Variants in PKHD1L1 observed in about 807,000 individuals in gnomAD.
The protein encoded by PKHD1L1 is fibrocystin-L.
In PKHD1L1, 434 loss-of-function variants were observed where a neutral mutation model predicts 462.9. The observed-to-expected ratio is 0.94, with a 90% CI of 0.87 to 1.02. The LOEUF (loss-of-function observed/expected upper bound fraction) is 1.02. Ranked by LOEUF, PKHD1L1 falls within the 50% of genes least tolerant of loss-of-function variation. The probability of loss-of-function intolerance (pLI) is 0.00; values close to 1 mark genes in which losing one functional copy is unlikely to be tolerated. For synonymous variants in PKHD1L1, 1,781 were observed against 1,750.0 expected, an observed-to-expected ratio of 1.02 and a Z score of -0.44; for missense variants, 5,202 against 5,096.1, an observed-to-expected ratio of 1.02 and a Z score of -0.63.
At chr8:109,397,342 T>G (rs13268429) in intron 11 of PKHD1L1, among the ~76,000 whole-genome samples, 46,002 of 151,792 alleles carry the variant, frequency 0.3, 7,564 homozygotes, top group Admixed American at 0.44. Context: ...CCTATTTCCT[T>G]TTTTCTGGTT....
In PKHD1L1 at chr8:109,491,118, T is replaced by C. The variant is rs1292138274; in HGVS notation, c.10114+17T>C. 2.5e-6 allele frequency: 4 copies of C among 1,598,962 alleles called. No individual in the cohort carries two copies. The African/African-American group carries it at 5.4e-5, about 21-fold the overall frequency. ...TGGGGGAAGGTAATATAATAATATTTTGGTTCAAATTACACATCCTGTGGA... is the reference window on the plus strand; with the variant it reads ...TGGGGGAAGGTAATATAATAATATTCTGGTTCAAATTACACATCCTGTGGA... On this transcript the variant is annotated intron_variant, in intron 61 of 77. Coordinates refer to ENST00000378402, the MANE Select transcript of PKHD1L1 (RefSeq NM_177531.6).
intron 10 of PKHD1L1, among the ~76,000 whole-genome samples, chr8:109,395,504 A>G (rs1019144275): frequency 1.3e-4 from 20 of 152,224 alleles, no homozygotes; most frequent in African/African-American, 4.6e-4. Flanking sequence ...AAGAATACAT[A>G]GATATTTGAT....
At chr8:109,523,721 AAG>A (rs1820678202) in intron 76 of PKHD1L1, among the ~76,000 whole-genome samples, 1 of 152,238 alleles carries the variant, frequency 6.6e-6, no homozygotes, top group South Asian at 2.1e-4. Flanking sequence ...AAGAAAGGAT[AAG>A]GTAGGCTCAT....
At chr8:109,414,467 T>C (rs1363604360) in intron 21 of PKHD1L1, among the ~76,000 whole-genome samples, 1 of 152,136 alleles carries the variant, frequency 6.6e-6, no homozygotes, top group African/African-American at 2.4e-5. Context: ...TGGTGGGATC[T>C]CCATATCTTG....
chr8:109,426,946 T>C (rs920622336), intron 24 of PKHD1L1, 56 bp from the exon 25 acceptor site: 14 of 1,000,252 alleles, frequency 1.4e-5, no homozygotes, highest in Non-Finnish European at 2.1e-5. Flanking sequence ...AACCACCACA[T>C]CCGGCCCGTT....
intron 9 of PKHD1L1, among the ~76,000 whole-genome samples, chr8:109,393,157 A>T (rs970275400): frequency 1.3e-5 from 2 of 152,140 alleles, no homozygotes; most frequent in African/African-American, 2.4e-5. Context: ...AAAAATATGA[A>T]ATCTAGTATG....
chr8:109,433,905 A>G (rs1341856108), intron 28 of PKHD1L1, among the ~76,000 whole-genome samples: 1 of 152,194 alleles, frequency 6.6e-6, no homozygotes, highest in Non-Finnish European at 1.5e-5. Flanking sequence ...AATGTGGTAC[A>G]TATACACCAT....
chr8:109,426,897 C>G (rs1814778740), intron 24 of PKHD1L1, 105 bp from the exon 25 acceptor site: 1 of 687,326 alleles, frequency 1.5e-6, no homozygotes, highest in African/African-American at 1.8e-5. Flanking sequence ...AGGTGACCCG[C>G]CCGCTTTGGC....
At chr8:109,452,491 T>A (rs903280231) in intron 42 of PKHD1L1, among the ~76,000 whole-genome samples, 4 of 151,868 alleles carry the variant, frequency 2.6e-5, no homozygotes, top group Non-Finnish European at 5.9e-5. Context: ...GTGGGGTAAT[T>A]GGTAATAGAT....
chr8:109,384,230 A>AT (rs1229880429), intron 5 of PKHD1L1, 103 bp downstream of exon 5: 14 of 936,436 alleles, frequency 1.5e-5, no homozygotes, highest in African/African-American at 3.4e-5. Context: ...TTTAAATAGC[A>AT]TTTTTTTCAT....
intron 18 of PKHD1L1, among the ~76,000 whole-genome samples, chr8:109,409,478 G>GT (rs1043489530): frequency 7.0e-4 from 104 of 148,528 alleles, no homozygotes; most frequent in Non-Finnish European, 9.0e-4. Flanking sequence ...GGCGTGTATA[G>GT]TTTTTTTTTT....
chr8:109,524,437 T>G (rs1389563064), intron 76 of PKHD1L1, among the ~76,000 whole-genome samples: 1 of 152,062 alleles, frequency 6.6e-6, no homozygotes, highest in Non-Finnish European at 1.5e-5. Context: ...TCAGCCCAAA[T>G]GGAATTTTTT....
chr8:109,418,384 CCAAA>C (rs1814294397), intron 21 of PKHD1L1, among the ~76,000 whole-genome samples: 1 of 151,892 alleles, frequency 6.6e-6, no homozygotes, highest in Non-Finnish European at 1.5e-5. Flanking sequence ...TGTAAGGTAC[CCAAA>C]CAAACTAGTC....
chr8:109,404,740 C>T (rs1813445221), intron 15 of PKHD1L1, 27 bp downstream of exon 15: 7 of 1,564,130 alleles, frequency 4.5e-6, no homozygotes, highest in East Asian at 4.6e-5. Context: ...GTTCCTCTTA[C>T]AGAAAGTAAA....
intron 32 of PKHD1L1, among the ~76,000 whole-genome samples, chr8:109,439,435 A>G (rs1357938497): frequency 6.6e-6 from 1 of 152,122 alleles, no homozygotes; most frequent in Admixed American, 6.6e-5. Flanking sequence ...TCTCCCCTGC[A>G]TTAATGGTGC....
chr8:109,525,790 T>G (rs1393251271), intron 76 of PKHD1L1, among the ~76,000 whole-genome samples: 1 of 152,194 alleles, frequency 6.6e-6, no homozygotes, highest in Admixed American at 6.5e-5. Flanking sequence ...TAATACACCA[T>G]TGTCAGGAAT....
chr8:109,403,749 A>G (rs1346017501), intron 14 of PKHD1L1, among the ~76,000 whole-genome samples: 1 of 151,950 alleles, frequency 6.6e-6, no homozygotes, highest in Non-Finnish European at 1.5e-5. Flanking sequence ...CCTCATTCAG[A>G]CTCTTTCATG....
At chr8:109,411,251 G>A (rs1813844304) in intron 19 of PKHD1L1, among the ~76,000 whole-genome samples, 1 of 152,214 alleles carries the variant, frequency 6.6e-6, no homozygotes, top group Admixed American at 6.5e-5. Flanking sequence ...AATTGAATAT[G>A]TGCTTTCTAA....
In PKHD1L1 at chr8:109,442,969, T is replaced by C. The variant is rs1165106310; in HGVS notation, c.4417T>C (p.Ser1473Pro). Residue 1473 changes from serine to proline, a missense_variant, in exon 36 of 78, where the codon TCT becomes CCT. Ser to Pro is a moderately conservative substitution (Grantham distance 74). Around this residue, in one of 3 missense-constraint regions of PKHD1L1, gnomAD observed 4,497 missense variants for 4,336.8 expected, o/e 1.04. Transcript: ENST00000378402. ...TSGSFSYQFT[S>P]PGIHYYSSGY... The stretch of plus-strand genomic sequence containing the variant: ...AGGTTCATTTTCTTACCAATTTACT[T>C]CTCCTGGAATCCATTATTATAGCAG... 1 of 1,613,358 alleles carries C rather than the reference T, an allele frequency of 6.2e-7. No individual in the cohort carries two copies. The highest frequency in any genetic ancestry group is 8.5e-7 in the Non-Finnish European group (1 of 1,179,456).
Sources: gnomAD v4.1 joint callset for allele counts (sites outside exome capture counted in the v4.1 genomes callset) on GRCh38, gnomAD v4.1.1 for gene constraint, gnomAD v4.1.1 regional missense constraint, MANE v1.5 for transcripts, NCBI Gene and HGNC (gene_info 2026-07-23, HGNC 2026-07-21) for gene names.